Variants in NDUFS4 observed in about 807,000 individuals in gnomAD.
The protein encoded by NDUFS4 is NADH dehydrogenase [ubiquinone] iron-sulfur protein 4, mitochondrial.
A neutral mutation model predicts 24.3 loss-of-function variants in NDUFS4; 28 were observed. The ratio of observed to expected loss-of-function variants is 1.15; its 90% confidence interval spans 0.85 to 1.58. The LOEUF (loss-of-function observed/expected upper bound fraction) is 1.58. Ranked by LOEUF, NDUFS4 falls within the 40% of genes most tolerant of loss-of-function variation. The probability of loss-of-function intolerance (pLI) is 0.00; values close to 1 mark genes in which losing one functional copy is unlikely to be tolerated. For missense variants in NDUFS4, 223 were observed against 207.9 expected, an observed-to-expected ratio of 1.07 and a Z score of -0.45; for synonymous variants, 93 against 69.7, an observed-to-expected ratio of 1.34 and a Z score of -1.67.
chr5:53,680,393 G>A (rs990346002), intron 4 of NDUFS4, among the ~76,000 whole-genome samples: 12 of 152,088 alleles, frequency 7.9e-5, no homozygotes, highest in African/African-American at 2.4e-4. Flanking sequence ...ACATGCACAC[G>A]TATGTTTACT....
rs62370039 is a variant in NDUFS4, at chr5:53,581,803, A to G, written c.98+21043A>G. Reference sequence around the variant, plus strand: ...GGAAACTGCTACTTTAAGGGAAACAATGTATAAACAAAACCAGTTTAACCG... The same window carrying G: ...GGAAACTGCTACTTTAAGGGAAACAGTGTATAAACAAAACCAGTTTAACCG... On this transcript the variant is annotated intron_variant, in intron 1 of 4. Coordinates refer to ENST00000296684, the MANE Select transcript of NDUFS4 (RefSeq NM_002495.4). 2.9e-3 allele frequency among the ~76,000 whole-genome samples: 435 copies of G among 152,332 alleles called. 1 individual carries two copies. The highest frequency in any genetic ancestry group is 3.9e-3 in the Non-Finnish European group (265 of 68,026).
At chr5:53,593,614 A>G (rs932495541) in intron 1 of NDUFS4, among the ~76,000 whole-genome samples, 6 of 120,018 alleles carry the variant, frequency 5.0e-5, no homozygotes, top group Non-Finnish European at 9.1e-5. Flanking sequence ...TTTTTTTTCT[A>G]GTTTCCTGTG....
intron 2 of NDUFS4, among the ~76,000 whole-genome samples, chr5:53,634,404 T>C (rs1387006619): frequency 6.6e-6 from 1 of 152,200 alleles, no homozygotes; most frequent in African/African-American, 2.4e-5. Context: ...TGTCCTGATA[T>C]TTGTTTATTT....
intron 1 of NDUFS4, among the ~76,000 whole-genome samples, chr5:53,572,956 T>C (rs563138387): frequency 3.2e-4 from 39 of 123,510 alleles, no homozygotes; most frequent in African/African-American, 1.3e-3. Flanking sequence ...TGTTGTTTTT[T>C]GTTTTTTTTT....
intron 1 of NDUFS4, among the ~76,000 whole-genome samples, chr5:53,584,772 T>TTTTTGG (rs202048697): frequency 0.16 from 24,315 of 151,822 alleles, 1,926 homozygotes; most frequent in Middle Eastern, 0.19. Flanking sequence ...ATGTTTTCTG[T>TTTTTGG]TTTTGTTTTT....
chr5:53,666,402 A>G (rs1424700051), intron 4 of NDUFS4, among the ~76,000 whole-genome samples: 2 of 152,126 alleles, frequency 1.3e-5, no homozygotes, highest in Non-Finnish European at 1.5e-5. Context: ...TCTGACTTCT[A>G]CCTCCCCGGG....
chr5:53,588,289 T>G (rs1165267185), intron 1 of NDUFS4, among the ~76,000 whole-genome samples: 1 of 152,204 alleles, frequency 6.6e-6, no homozygotes, highest in African/African-American at 2.4e-5. Flanking sequence ...GGGGTTCTCT[T>G]TCCTCTCTTG....
chr5:53,680,412 A>G (rs1740624824), intron 4 of NDUFS4, among the ~76,000 whole-genome samples: 4 of 152,200 alleles, frequency 2.6e-5, no homozygotes, highest in Admixed American at 2.6e-4. Flanking sequence ...CTGCGGCACT[A>G]TTCACAATAG....
chr5:53,622,023 A>G (rs559673697), intron 2 of NDUFS4, among the ~76,000 whole-genome samples: 1 of 152,194 alleles, frequency 6.6e-6, no homozygotes, highest in African/African-American at 2.4e-5. Context: ...TTTGCATTAA[A>G]CAGTTGTCTT....
intron 1 of NDUFS4, among the ~76,000 whole-genome samples, chr5:53,563,258 A>G (rs2112402595): frequency 6.7e-6 from 1 of 150,068 alleles, no homozygotes; most frequent in Middle Eastern, 3.4e-3. Flanking sequence ...AAAAAAAGAA[A>G]AGGAAGGATG....
chr5:53,663,247 C>G (rs1579932532), intron 4 of NDUFS4, among the ~76,000 whole-genome samples: 1 of 152,102 alleles, frequency 6.6e-6, no homozygotes, highest in African/African-American at 2.4e-5. Flanking sequence ...TGCTTTACTT[C>G]CAACTGTGTG....
At chr5:53,561,128 C>T (rs942506802) in intron 1 of NDUFS4, among the ~76,000 whole-genome samples, 2 of 152,124 alleles carry the variant, frequency 1.3e-5, no homozygotes, top group African/African-American at 2.4e-5. Context: ...CCATTTGTCA[C>T]CTGTTTGCCC....
Position 53,663,875 on chromosome 5 carries a change from A to G in NDUFS4, c.424+5251A>G, listed in dbSNP as rs577226108. On this transcript the variant is annotated intron_variant, in intron 4 of 4. Coordinates refer to ENST00000296684, the MANE Select transcript of NDUFS4 (RefSeq NM_002495.4). Reference sequence around the variant, plus strand: ...TATGTGTGAATTTGACCCTCTCATTATGATGTCAGCTGGTTATTTTGCTCA... The same window carrying G: ...TATGTGTGAATTTGACCCTCTCATTGTGATGTCAGCTGGTTATTTTGCTCA... Among the ~76,000 whole-genome samples the G allele has an allele frequency of 5.3e-5, 8 of 152,200 alleles. No individual in the cohort carries two copies. The South Asian group carries it at 1.5e-3, about 28-fold the overall frequency.
chr5:53,672,214 T>TATC (rs1396093106), intron 4 of NDUFS4, among the ~76,000 whole-genome samples: 2 of 151,740 alleles, frequency 1.3e-5, no homozygotes, highest in African/African-American at 2.4e-5. Flanking sequence ...CACATCCATA[T>TATC]ATCTTTTAAA....
chr5:53,572,020 ATGTATTTAATATAAATTTG>A (rs1291717067), intron 1 of NDUFS4, among the ~76,000 whole-genome samples: 2 of 152,212 alleles, frequency 1.3e-5, no homozygotes, highest in Admixed American at 6.5e-5. Flanking sequence ...AAGCATACAC[ATGTATTTAATATAAATTTG>A]TGTAACATGG....
At chr5:53,585,600 G>A (rs1304071345) in intron 1 of NDUFS4, among the ~76,000 whole-genome samples, 1 of 152,070 alleles carries the variant, frequency 6.6e-6, no homozygotes, top group Non-Finnish European at 1.5e-5. Context: ...AAATTAGCCG[G>A]GCGTGGTGGT....
chr5:53,601,706 C>T (rs1750330878), intron 1 of NDUFS4, among the ~76,000 whole-genome samples: 1 of 152,142 alleles, frequency 6.6e-6, no homozygotes, highest in Admixed American at 6.5e-5. Context: ...TTGCTCCATT[C>T]TGAGTAGTGT....
Position 53,683,280 on chromosome 5 carries a change from A to G in NDUFS4, c.*59A>G. The G allele has an allele frequency of 2.5e-6, 3 of 1,181,680 alleles. No individual in the cohort carries two copies. The highest frequency in any genetic ancestry group is 3.8e-6 in the Non-Finnish European group (3 of 787,030). 73.2% of individuals were successfully genotyped at this position (1,181,680 alleles called of 1,614,324 possible). On this transcript the variant is annotated 3_prime_UTR_variant, in exon 5 of 5. Transcript: ENST00000296684. ...ATAAAGTCAGCTGTGCAGTATTTAT[A>G]GTCCATGTATAATAAATACATCTCT...
chr5:53,679,269 T>TAACA (rs1017227396), intron 4 of NDUFS4, among the ~76,000 whole-genome samples: 4 of 152,174 alleles, frequency 2.6e-5, no homozygotes, highest in African/African-American at 9.6e-5. Context: ...CTACACATCC[T>TAACA]AACAATCATG....
Sources: allele counts gnomAD v4.1 joint callset (sites outside exome capture counted in the v4.1 genomes callset), GRCh38; gene constraint gnomAD v4.1.1; transcripts MANE v1.5; gene names NCBI Gene and HGNC (gene_info 2026-07-23, HGNC 2026-07-21).